The following GPHN variants were observed in gnomAD, a reference collection of about 807,000 sequenced individuals.
GPHN encodes the protein gephyrin.
GPHN carries 17 observed loss-of-function variants against 95.5 expected under a neutral mutation model. That is an observed-to-expected ratio of 0.18 (90% confidence interval 0.12 to 0.27). The LOEUF is 0.27. GPHN is among the 10% of genes least tolerant of loss of function. The pLI is 1.00. For synonymous variants in GPHN, 320 were observed against 322.5 expected, an observed-to-expected ratio of 0.99 and a Z score of 0.08; for missense variants, 660 against 978.1, an observed-to-expected ratio of 0.67 and a Z score of 4.34.
intron 5 of GPHN, among the ~76,000 whole-genome samples, chr14:66,898,617 A>G (rs2064983139): frequency 6.6e-6 from 1 of 151,924 alleles, no homozygotes; most frequent in African/African-American, 2.4e-5. Context: ...TCAGTACCAC[A>G]TAATCTTTAT....
chr14:67,581,694 T>C, the GPHN span: 2 of 198,504 alleles, frequency 1.0e-5, no homozygotes, highest in South Asian at 1.9e-4. Flanking sequence ...TTCTATCAAT[T>C]TGAGTAAGAA....
At chr14:66,836,062 T>C (rs1470306537) in intron 4 of GPHN, among the ~76,000 whole-genome samples, 1 of 135,630 alleles carries the variant, frequency 7.4e-6, no homozygotes, top group Non-Finnish European at 1.5e-5. Context: ...AAGCTACCAA[T>C]GCCTTTCTTC....
At chr14:67,199,184 C>G in the GPHN span, 1 of 1,605,182 alleles carries the variant, frequency 6.2e-7, no homozygotes, top group Non-Finnish European at 8.5e-7. Flanking sequence ...CAGTAGTCAA[C>G]ACCCACATGC....
At chr14:67,066,792 G>T (rs2076075603) in intron 11 of GPHN, among the ~76,000 whole-genome samples, 1 of 152,016 alleles carries the variant, frequency 6.6e-6, no homozygotes, top group Non-Finnish European at 1.5e-5. Flanking sequence ...GTCACTTAAG[G>T]TCTTCTCTAC....
the GPHN span, among the ~76,000 whole-genome samples, chr14:67,605,380 C>G: frequency 4.9e-3 from 744 of 152,206 alleles, 36 homozygotes; most frequent in East Asian, 0.083. Flanking sequence ...TTTAGAGACA[C>G]CATCTCACTC....
At chr14:67,327,131 C>T in the GPHN span, among the ~76,000 whole-genome samples, 84 of 152,076 alleles carry the variant, frequency 5.5e-4, no homozygotes, top group African/African-American at 1.7e-3. Context: ...ACCGGGATTG[C>T]GCCACTGCAC....
At chr14:66,587,899 C>CTGCCT (rs2061488852) in intron 1 of GPHN, among the ~76,000 whole-genome samples, 1 of 152,228 alleles carries the variant, frequency 6.6e-6, no homozygotes, top group Non-Finnish European at 1.5e-5. Context: ...AAGGGATGGA[C>CTGCCT]TGCCTCCTCA....
chr14:67,001,098 G>A (rs565448692), intron 9 of GPHN, among the ~76,000 whole-genome samples: 2 of 151,596 alleles, frequency 1.3e-5, no homozygotes, highest in East Asian at 3.9e-4. Flanking sequence ...AGTTTAGAAA[G>A]TTCTTAAGCT....
intron 4 of GPHN, among the ~76,000 whole-genome samples, chr14:66,879,119 A>G (rs2063808639): frequency 6.6e-6 from 1 of 152,154 alleles, no homozygotes; most frequent in South Asian, 2.1e-4. Context: ...AGAAAACCAA[A>G]CACTACATGT....
chr14:66,726,338 G>A (rs2071234125), intron 2 of GPHN, among the ~76,000 whole-genome samples: 1 of 151,952 alleles, frequency 6.6e-6, no homozygotes, highest in Non-Finnish European at 1.5e-5. Flanking sequence ...ATTTAAAAAA[G>A]GCAGAAATTA....
intron 9 of GPHN, among the ~76,000 whole-genome samples, chr14:66,975,455 G>C (rs1213940100): frequency 1.3e-5 from 2 of 152,162 alleles, no homozygotes; most frequent in Non-Finnish European, 2.9e-5. Context: ...ATTTGCATTT[G>C]ACTGATTTAC....
the GPHN span, chr14:67,619,877 C>G: frequency 1.3e-6 from 1 of 798,840 alleles, no homozygotes; most frequent in Non-Finnish European, 1.9e-6. Flanking sequence ...GGCGGGCGGA[C>G]GCTGGCGCGG....
At chr14:67,726,919 C>T in the GPHN span, 1 of 1,486,128 alleles carries the variant, frequency 6.7e-7, no homozygotes, top group Non-Finnish European at 9.3e-7. Context: ...CCTCTTGGCT[C>T]CCACATGCTG....
At chr14:66,653,017 T>C (rs2065120563) in intron 1 of GPHN, among the ~76,000 whole-genome samples, 1 of 152,158 alleles carries the variant, frequency 6.6e-6, no homozygotes, top group Non-Finnish European at 1.5e-5. Flanking sequence ...GGTCATGGGA[T>C]CCCAGAGGTA....
At position 66,734,122 on chromosome 14, in the gene GPHN, T is replaced by C. The variant is rs748144088; in HGVS notation, c.144-42342T>C. 6.6e-5 allele frequency among the ~76,000 whole-genome samples: 10 copies of C among 152,256 alleles called. No homozygotes were observed. The South Asian group carries it at 1.9e-3, about 28-fold the overall frequency. On this transcript the variant is annotated intron_variant, in intron 2 of 22. Transcript: ENST00000478722. ...TCCATTCCTGTCATCCTTTAATCCA[T>C]TCTCTATATAGCAGCCAGAGAAACC...
chr14:66,697,923 G>A (rs2068221587), intron 2 of GPHN, among the ~76,000 whole-genome samples: 2 of 151,924 alleles, frequency 1.3e-5, no homozygotes, highest in Non-Finnish European at 2.9e-5. Context: ...TCAAACTCCT[G>A]GGCATAAGAG....
At chr14:67,409,384 A>G in the GPHN span, among the ~76,000 whole-genome samples, 2 of 152,254 alleles carry the variant, frequency 1.3e-5, no homozygotes, top group African/African-American at 4.8e-5. Flanking sequence ...CTCTACAAAA[A>G]TACAAAATAA....
chr14:67,183,511 G>T (rs1411286646), downstream of GPHN, among the ~76,000 whole-genome samples: 2 of 152,030 alleles, frequency 1.3e-5, no homozygotes, highest in Non-Finnish European at 2.9e-5. Flanking sequence ...AGAGAGCAAG[G>T]ATTCAAGTTT....
intron 4 of GPHN, among the ~76,000 whole-genome samples, chr14:66,864,239 G>T (rs2063143926): frequency 6.6e-6 from 1 of 152,054 alleles, no homozygotes. Context: ...GATTATCAGA[G>T]AACTACAAAT....
Sources: allele counts gnomAD v4.1 joint callset (sites outside exome capture counted in the v4.1 genomes callset), GRCh38; gene constraint gnomAD v4.1.1; transcripts MANE v1.5; gene names NCBI Gene and HGNC (gene_info 2026-07-23, HGNC 2026-07-21).